The following GRIP1 variants were observed in gnomAD, a reference collection of about 807,000 sequenced individuals.
GRIP1 encodes the protein glutamate receptor-interacting protein 1.
Under a neutral mutation model 129.9 loss-of-function variants are expected in GRIP1, and 45 were observed. That is an observed-to-expected ratio of 0.35 (90% CI 0.27 to 0.44). The LOEUF is 0.44. Among genes scored for constraint, GRIP1 ranks in the 20% least tolerant of loss-of-function variants. The probability of loss-of-function intolerance (pLI) is 1.00; values close to 1 mark genes in which losing one functional copy is unlikely to be tolerated. For missense variants in GRIP1, 1,196 were observed against 1,396.8 expected (o/e 0.86, Z 2.29); for synonymous variants, 530 against 520.8 (o/e 1.02, Z -0.24).
rs867331274 is a variant in GRIP1 at position 66,929,373 on chromosome 12, G to A, written c.58+139677C>T. On this transcript the variant is annotated intron_variant, in intron 1 of 1. Coordinates refer to the GRIP1 transcript ENST00000643019. ...AGTTTCTCTCTACCATATATGACTTGGTTCCTTCACAAGACATATCATGAT... is the reference window on the plus strand; with the variant it reads ...AGTTTCTCTCTACCATATATGACTTAGTTCCTTCACAAGACATATCATGAT... Among the ~76,000 whole-genome samples, 26 of 152,168 alleles carry A rather than the reference G, an allele frequency of 1.7e-4. No individual in the cohort carries two copies. In the Middle Eastern group the frequency reaches 0.01, roughly 60 times the overall value.
chr12:66,356,609 C>T (rs1270650399), intron 23 of GRIP1, among the ~76,000 whole-genome samples: 1 of 152,128 alleles, frequency 6.6e-6, no homozygotes, highest in Non-Finnish European at 1.5e-5. Flanking sequence ...ATTCACCACT[C>T]AGATCCAACA....
intron 1 of GRIP1, among the ~76,000 whole-genome samples, chr12:66,746,543 T>C (rs1032065196): frequency 6.6e-6 from 1 of 152,158 alleles, no homozygotes; most frequent in Non-Finnish European, 1.5e-5. Flanking sequence ...AAGAAAGCTG[T>C]TGTTAAGGCA....
intron 2 of GRIP1, among the ~76,000 whole-genome samples, chr12:66,567,016 T>C (rs983176007): frequency 3.9e-5 from 6 of 152,186 alleles, no homozygotes; most frequent in African/African-American, 1.4e-4. Context: ...ATTCTCTCTT[T>C]TCTTCTTTAT....
intron 1 of GRIP1, among the ~76,000 whole-genome samples, chr12:66,877,268 T>G (rs2040399700): frequency 6.6e-6 from 1 of 152,134 alleles, no homozygotes; most frequent in African/African-American, 2.4e-5. Context: ...TAAGCATTTA[T>G]ATATTGATAT....
At chr12:66,967,371 A>G (rs2042013505) in intron 1 of GRIP1, among the ~76,000 whole-genome samples, 1 of 152,194 alleles carries the variant, frequency 6.6e-6, no homozygotes, top group South Asian at 2.1e-4. Context: ...CATACTATGC[A>G]ATAGAACATT....
intron 23 of GRIP1, among the ~76,000 whole-genome samples, chr12:66,365,298 A>G (rs1279182114): frequency 3.9e-5 from 6 of 152,002 alleles, no homozygotes; most frequent in Middle Eastern, 3.4e-3. Context: ...TTACCCGGGC[A>G]TGGTGGTGTG....
chr12:66,645,367 A>G (rs766367001), intron 1 of GRIP1, among the ~76,000 whole-genome samples: 1 of 152,218 alleles, frequency 6.6e-6, no homozygotes, highest in Non-Finnish European at 1.5e-5. Flanking sequence ...TGCGCTACAG[A>G]AAGTCTGAGG....
chr12:66,796,366 A>G (rs2038699104), intron 1 of GRIP1, among the ~76,000 whole-genome samples: 1 of 152,188 alleles, frequency 6.6e-6, no homozygotes, highest in African/African-American at 2.4e-5. Context: ...TGTCAAAGAA[A>G]CAAGCCATCC....
chr12:66,631,494 AC>A (rs1565925192), intron 1 of GRIP1, among the ~76,000 whole-genome samples: 1 of 152,218 alleles, frequency 6.6e-6, no homozygotes, highest in Non-Finnish European at 1.5e-5. Context: ...TACTATCTAT[AC>A]CTAACTGTTT....
At chr12:66,574,822 G>A (rs75022807) in intron 2 of GRIP1, among the ~76,000 whole-genome samples, 2,171 of 126,190 alleles carry the variant, frequency 0.017, 20 homozygotes, top group Non-Finnish European at 0.027. Flanking sequence ...TCGCTCTGTC[G>A]CCGCCCTGGC....
At chr12:66,630,489 T>G (rs573128608) in intron 1 of GRIP1, among the ~76,000 whole-genome samples, 21 of 150,312 alleles carry the variant, frequency 1.4e-4, no homozygotes, top group African/African-American at 4.9e-4. Context: ...TTGATTTGTA[T>G]AAAAATTTTT....
At chr12:66,921,791 G>C (rs1295666458) in intron 1 of GRIP1, among the ~76,000 whole-genome samples, 1 of 152,124 alleles carries the variant, frequency 6.6e-6, no homozygotes, top group Non-Finnish European at 1.5e-5. Flanking sequence ...CAGTTCTATA[G>C]ATCTAAAGGC....
chr12:66,669,570 T>C (rs1247289086), intron 1 of GRIP1, among the ~76,000 whole-genome samples: 1 of 152,174 alleles, frequency 6.6e-6, no homozygotes, highest in Non-Finnish European at 1.5e-5. Flanking sequence ...AGAATTATCA[T>C]CAAATGTAGA....
At chr12:67,052,979 T>C (rs866166026) in intron 1 of GRIP1, among the ~76,000 whole-genome samples, 3 of 152,266 alleles carry the variant, frequency 2.0e-5, no homozygotes, top group Middle Eastern at 6.8e-3. Flanking sequence ...AAAATCAAGC[T>C]TCCTAGATTG....
Position 66,635,279 on chromosome 12 carries a change from C to T in GRIP1, c.56-38352G>A, listed in dbSNP as rs185448076. Reference sequence around the variant, plus strand: ...TTAAAAAAAATAAAAATTAGCTGGGCGTGGCGATGCAGGCTTGTGGTCCTA... The same window carrying T: ...TTAAAAAAAATAAAAATTAGCTGGGTGTGGCGATGCAGGCTTGTGGTCCTA... On this transcript the variant is annotated intron_variant, in intron 1 of 24. Coordinates refer to ENST00000359742, the MANE Select transcript of GRIP1 (RefSeq NM_001366722.1). 5.9e-5 allele frequency among the ~76,000 whole-genome samples: 9 copies of T among 151,684 alleles called. No individual in the cohort carries two copies. In the South Asian group the frequency reaches 6.2e-4, roughly 11 times the overall value.
chr12:66,787,544 G>A (rs1205133681), intron 1 of GRIP1, among the ~76,000 whole-genome samples: 2 of 152,070 alleles, frequency 1.3e-5, no homozygotes, highest in Non-Finnish European at 2.9e-5. Context: ...GTGAAGCCTT[G>A]GGGAGGTGAT....
intron 1 of GRIP1, among the ~76,000 whole-genome samples, chr12:66,908,620 A>C (rs1413320930): frequency 1.3e-5 from 2 of 152,150 alleles, no homozygotes; most frequent in Admixed American, 1.3e-4. Context: ...GTTTATGAGG[A>C]GTGAGATTGG....
At chr12:67,030,480 G>A (rs142303258) in intron 1 of GRIP1, among the ~76,000 whole-genome samples, 3 of 151,870 alleles carry the variant, frequency 2.0e-5, no homozygotes, top group Non-Finnish European at 4.4e-5. Flanking sequence ...CACTTAACAC[G>A]GCTTTTTATT....
chr12:66,375,338 T>G (rs1307099022), intron 22 of GRIP1, among the ~76,000 whole-genome samples: 1 of 152,134 alleles, frequency 6.6e-6, no homozygotes. Context: ...GTAAATTAAT[T>G]TTCATTTCCA....
Sources: gnomAD v4.1 joint callset for allele counts (sites outside exome capture counted in the v4.1 genomes callset) on GRCh38, gnomAD v4.1.1 for gene constraint, MANE v1.5 for transcripts, NCBI Gene and HGNC (gene_info 2026-07-23, HGNC 2026-07-21) for gene names.